Variants in TCF12 observed in about 807,000 individuals in gnomAD.
The protein encoded by TCF12 is transcription factor 12.
TCF12 carries 45 observed loss-of-function variants against 86.0 expected under a neutral mutation model. The ratio of observed to expected loss-of-function variants is 0.52; its 90% CI spans 0.41 to 0.67. The LOEUF (loss-of-function observed/expected upper bound fraction) is 0.67, where lower values mean the gene tolerates loss of function less well. Among genes scored for constraint, TCF12 ranks in the 30% least tolerant of loss-of-function variants. The pLI, the probability that TCF12 is intolerant of heterozygous loss-of-function variation, is 0.00. For synonymous variants in TCF12, 330 were observed against 299.6 expected, an observed-to-expected ratio of 1.10 and a Z score of -1.05; for missense variants, 881 against 859.9, an observed-to-expected ratio of 1.02 and a Z score of -0.31.
intron 3 of TCF12, among the ~76,000 whole-genome samples, chr15:56,951,622 TG>T (rs1341428600): frequency 1.3e-5 from 2 of 152,174 alleles, no homozygotes; most frequent in African/African-American, 4.8e-5. Flanking sequence ...TTTCCTTAAT[TG>T]GTCACAAATG....
chr15:57,170,642 A>ATAT (rs1471733380), intron 6 of TCF12, among the ~76,000 whole-genome samples: 3 of 31,320 alleles, frequency 9.6e-5, no homozygotes, highest in East Asian at 7.2e-4. Context: ...ATATATATAT[A>ATAT]ATATATATAT....
intron 3 of TCF12, among the ~76,000 whole-genome samples, chr15:57,026,835 A>G (rs190704578): frequency 1.0e-3 from 155 of 152,266 alleles, no homozygotes; most frequent in African/African-American, 3.6e-3. Context: ...GAAGGCCTTT[A>G]TATAAAATGG....
intron 3 of TCF12, among the ~76,000 whole-genome samples, chr15:56,935,014 G>A (rs1360117249): frequency 2.6e-5 from 4 of 152,296 alleles, no homozygotes; most frequent in African/African-American, 9.6e-5. Flanking sequence ...AAATTGCAAC[G>A]ATGAGAATAG....
chr15:57,015,176 T>A (rs2065082077), intron 3 of TCF12, among the ~76,000 whole-genome samples: 1 of 152,120 alleles, frequency 6.6e-6, no homozygotes, highest in African/African-American at 2.4e-5. Context: ...TAATTCTGGC[T>A]ACTCAGGAGG....
intron 5 of TCF12, among the ~76,000 whole-genome samples, chr15:57,149,626 C>G (rs2053601929): frequency 6.6e-6 from 1 of 151,988 alleles, no homozygotes; most frequent in African/African-American, 2.4e-5. Context: ...TTAGATTGTC[C>G]AAGAGTTTAT....
intron 18 of TCF12, among the ~76,000 whole-genome samples, chr15:57,263,855 A>C (rs989974670): frequency 6.6e-6 from 1 of 152,172 alleles, no homozygotes; most frequent in Non-Finnish European, 1.5e-5. Flanking sequence ...GTAAAAATAA[A>C]AGATAAAAAA....
Position 57,198,735 on chromosome 15 carries a change from G to C in TCF12, c.579+910G>C, listed in dbSNP as rs1473656569. 5.1e-5 allele frequency among the ~76,000 whole-genome samples: 7 copies of C among 137,120 alleles called. No homozygotes were observed. In the Admixed American group the frequency reaches 5.3e-4, roughly 10 times the overall value. 90.0% of individuals were successfully genotyped at this position (137,120 alleles called of 152,430 possible). On this transcript the variant is annotated intron_variant, in intron 8 of 20. Transcript: ENST00000333725. ...GGGTACATCTTTTTGTTGTGTAAAT[G>C]GATGTTGGGCTTTTATTTGGCAGTA... is the stretch of plus-strand genomic sequence containing the variant.
chr15:57,019,219 C>G (rs1253266235), intron 3 of TCF12, among the ~76,000 whole-genome samples: 1 of 152,150 alleles, frequency 6.6e-6, no homozygotes, highest in African/African-American at 2.4e-5. Context: ...TACTCGTTGC[C>G]TTTTACTATC....
intron 1 of TCF12, 119 bp from the exon 2 acceptor site, chr15:56,919,773 C>G (rs2059693169): frequency 8.3e-6 from 7 of 844,584 alleles, no homozygotes; most frequent in Non-Finnish European, 1.3e-5. Flanking sequence ...AGTCGGGGTC[C>G]TGGAAGTCAT....
chr15:57,042,600 G>C (rs1239731396), intron 3 of TCF12, among the ~76,000 whole-genome samples: 1 of 152,006 alleles, frequency 6.6e-6, no homozygotes, highest in African/African-American at 2.4e-5. Flanking sequence ...TTTTTGTGGA[G>C]ACGGGATCGC....
At chr15:57,276,808 CTT>C (rs35792121) in intron 19 of TCF12, among the ~76,000 whole-genome samples, 73 of 107,540 alleles carry the variant, frequency 6.8e-4, no homozygotes, top group Middle Eastern at 4.4e-3. Context: ...TTTTTTTTTC[CTT>C]TTTTTTTTTT....
At position 57,187,293 on chromosome 15, in the gene TCF12, A is replaced by C. The variant is rs192441881; in HGVS notation, c.391-4865A>C. ...ATTTGGTAAAGGTCATTTACAAAAA[A>C]CCCACAGCTAATATACTTGTTGGTA... On this transcript the variant is annotated intron_variant, in intron 6 of 20. Transcript: ENST00000333725. Among the ~76,000 whole-genome samples the C allele has an allele frequency of 8.0e-3, 1,218 of 152,314 alleles. 6 individuals carry two copies. The highest frequency in any genetic ancestry group is 0.012 in the Non-Finnish European group (805 of 68,032).
chr15:57,038,917 G>C (rs1347788077), intron 3 of TCF12, among the ~76,000 whole-genome samples: 1 of 152,156 alleles, frequency 6.6e-6, no homozygotes, highest in Non-Finnish European at 1.5e-5. Flanking sequence ...TTAGCTGAGG[G>C]GACACGGGAT....
At chr15:57,136,532 A>G (rs1224012068) in intron 5 of TCF12, among the ~76,000 whole-genome samples, 1 of 152,244 alleles carries the variant, frequency 6.6e-6, no homozygotes, top group Non-Finnish European at 1.5e-5. Flanking sequence ...GGTATGAAAA[A>G]TAGCTATCAA....
In TCF12 at chr15:56,992,862, G is replaced by T. The variant is rs1236763795; in HGVS notation, c.149-70888G>T. 3.9e-5 allele frequency among the ~76,000 whole-genome samples: 6 copies of T among 152,162 alleles called. No homozygotes were observed. The South Asian group carries it at 1.2e-3, about 31-fold the overall frequency. On this transcript the variant is annotated intron_variant, in intron 3 of 20. Coordinates refer to ENST00000333725, the MANE Select transcript of TCF12 (RefSeq NM_207037.2). ...TTATCTTTTTATAAGGATATTTGAG[G>T]AGTTCATGTGTCAGTGAGAATTGAG...
chr15:57,112,292 C>T (rs1294835338), intron 5 of TCF12, among the ~76,000 whole-genome samples: 1 of 152,182 alleles, frequency 6.6e-6, no homozygotes, highest in African/African-American at 2.4e-5. Flanking sequence ...TTCCAGTGAT[C>T]TAAGACTGTA....
chr15:56,955,318 G>A (rs1032929243), intron 3 of TCF12, among the ~76,000 whole-genome samples: 17 of 151,952 alleles, frequency 1.1e-4, no homozygotes, highest in African/African-American at 2.4e-4. Flanking sequence ...ACCAAACACC[G>A]CATGTTCTCA....
At chr15:56,927,527 T>C (rs550955115) in intron 3 of TCF12, among the ~76,000 whole-genome samples, 77 of 152,362 alleles carry the variant, frequency 5.1e-4, no homozygotes, top group African/African-American at 1.9e-3. Context: ...CTTAAAATAG[T>C]TGCATGCTCT....
intron 16 of TCF12, among the ~76,000 whole-genome samples, chr15:57,254,292 G>C (rs1216421098): frequency 4.6e-5 from 7 of 152,138 alleles, no homozygotes; most frequent in Non-Finnish European, 8.8e-5. Flanking sequence ...CCTAAATGCT[G>C]AAGGCTTGTA....
Sources: gnomAD v4.1 joint callset for allele counts (sites outside exome capture counted in the v4.1 genomes callset) on GRCh38, gnomAD v4.1.1 for gene constraint, MANE v1.5 for transcripts, NCBI Gene and HGNC (gene_info 2026-07-23, HGNC 2026-07-21) for gene names.